DISC1: variants seen among roughly 807,000 people sequenced by gnomAD.
The protein encoded by DISC1 is disrupted in schizophrenia 1 protein.
In DISC1, 57 loss-of-function variants were observed where a neutral mutation model predicts 84.5. The observed-to-expected ratio is 0.67, with a 90% CI of 0.55 to 0.84. The LOEUF (loss-of-function observed/expected upper bound fraction) is 0.84, where lower values mean the gene tolerates loss of function less well. Ranked by LOEUF, DISC1 falls within the 40% of genes least tolerant of loss-of-function variation. The probability of loss-of-function intolerance (pLI) is 0.00; values close to 1 mark genes in which losing one functional copy is unlikely to be tolerated. For missense variants in DISC1, 1,000 were observed against 1,057.8 expected (o/e 0.95, Z 0.76); for synonymous variants, 411 against 415.2 (o/e 0.99, Z 0.12).
intron 3 of DISC1, among the ~76,000 whole-genome samples, chr1:231,730,009 G>A (rs956961140): frequency 6.6e-6 from 1 of 152,168 alleles, no homozygotes; most frequent in African/African-American, 2.4e-5. Flanking sequence ...AAACAATTAT[G>A]TCTTAAAAGA....
intron 9 of DISC1, among the ~76,000 whole-genome samples, chr1:231,917,341 A>G (rs1314968229): frequency 1.3e-5 from 2 of 152,206 alleles, no homozygotes; most frequent in Non-Finnish European, 2.9e-5. Flanking sequence ...CGCCGAATGC[A>G]TTATATCTTA....
intron 9 of DISC1, among the ~76,000 whole-genome samples, chr1:231,916,177 CT>C (rs2089606604): frequency 6.6e-6 from 1 of 152,130 alleles, no homozygotes; most frequent in Non-Finnish European, 1.5e-5. Flanking sequence ...ACTTGGGGGG[CT>C]TTGTAGCATC....
At chr1:231,655,959 T>C (rs998997588) in intron 1 of DISC1, among the ~76,000 whole-genome samples, 6 of 152,152 alleles carry the variant, frequency 3.9e-5, no homozygotes, top group Non-Finnish European at 5.9e-5. Context: ...TTCCCCTTGC[T>C]GATTTGTTTG....
intron 3 of DISC1, chr1:231,724,007 C>A (rs1171982214): frequency 1.0e-6 from 1 of 985,334 alleles, no homozygotes; most frequent in Non-Finnish European, 1.2e-6. Context: ...AACAAAAATG[C>A]AGCCCACTCT....
intron 1 of DISC1, among the ~76,000 whole-genome samples, chr1:231,649,383 A>C (rs1242862523): frequency 2.0e-5 from 3 of 152,166 alleles, no homozygotes; most frequent in African/African-American, 7.2e-5. Context: ...GAGTTTCTTA[A>C]TCCTGAGTTC....
intron 10 of DISC1, among the ~76,000 whole-genome samples, chr1:231,975,476 C>T (rs1246590832): frequency 6.6e-6 from 1 of 152,202 alleles, no homozygotes; most frequent in Non-Finnish European, 1.5e-5. Context: ...TACTGGAAAT[C>T]TACCCAAAGG....
intron 3 of DISC1, among the ~76,000 whole-genome samples, chr1:231,744,295 A>G (rs969278544): frequency 6.6e-6 from 1 of 152,174 alleles, no homozygotes; most frequent in Non-Finnish European, 1.5e-5. Context: ...CCCAGGGTGA[A>G]GAGGATCAAG....
In DISC1 at chr1:231,866,668, T is replaced by TTCA. The variant is rs1221340712; in HGVS notation, c.1981+48152_1981+48153insCAT. 26 of 1,500,930 alleles carry TTCA rather than the reference T, an allele frequency of 1.7e-5. No individual in the cohort carries two copies. In the African/African-American group the frequency reaches 3.3e-4, roughly 19 times the overall value. 93.0% of individuals were successfully genotyped at this position (1,500,930 alleles called of 1,614,324 possible). A position where few individuals can be genotyped will look rare whatever the true frequency, so the allele number is the denominator to read the frequency against. On this transcript the variant is annotated intron_variant, in intron 9 of 12. Transcript: ENST00000439617. ...TCAACTACTATTAATTGAAAGGGCA[T>TTCA]TGAAGAGACATGATGTCACAATAAA... is the stretch of plus-strand genomic sequence containing the variant.
chr1:231,894,291 C>T (rs187800231), intron 9 of DISC1, among the ~76,000 whole-genome samples: 1 of 152,186 alleles, frequency 6.6e-6, no homozygotes, highest in East Asian at 1.9e-4. Flanking sequence ...ATAGTGGACA[C>T]CCATGTATAG....
chr1:232,007,036 G>A (rs898690723), intron 10 of DISC1, among the ~76,000 whole-genome samples: 7 of 152,188 alleles, frequency 4.6e-5, no homozygotes, highest in Admixed American at 2.6e-4. Flanking sequence ...ACCTGTGAGT[G>A]CACAGAAGTC....
intron 9 of DISC1, among the ~76,000 whole-genome samples, chr1:231,820,423 A>T (rs1276781423): frequency 1.3e-5 from 2 of 152,232 alleles, no homozygotes; most frequent in African/African-American, 4.8e-5. Flanking sequence ...GCACATACAC[A>T]TATGCATGCA....
intron 9 of DISC1, among the ~76,000 whole-genome samples, chr1:231,948,014 T>A (rs1453956902): frequency 6.6e-6 from 1 of 151,902 alleles, no homozygotes; most frequent in African/African-American, 2.4e-5. Flanking sequence ...TTGGTGGGAG[T>A]GTAAATTAAT....
intron 1 of DISC1, among the ~76,000 whole-genome samples, chr1:231,672,375 G>T (rs1171260328): frequency 6.6e-6 from 1 of 152,044 alleles, no homozygotes; most frequent in East Asian, 1.9e-4. Context: ...CCTAAATTAT[G>T]CTACCACTAT....
At chr1:231,952,090 C>CAAAAAAAAAA (rs11392611) in intron 9 of DISC1, among the ~76,000 whole-genome samples, 137 of 53,626 alleles carry the variant, frequency 2.6e-3, no homozygotes, top group Middle Eastern at 0.015. Flanking sequence ...CTCAATGTCT[C>CAAAAAAAAAA]AAAAAAAAAA....
chr1:231,911,243 G>A (rs1299184713), intron 9 of DISC1, among the ~76,000 whole-genome samples: 4 of 152,080 alleles, frequency 2.6e-5, no homozygotes, highest in Admixed American at 2.0e-4. Context: ...TATTTTGCTC[G>A]TTGGTTGATG....
chr1:232,035,334 A>G (rs1270674926), intron 12 of DISC1, among the ~76,000 whole-genome samples: 2 of 152,148 alleles, frequency 1.3e-5, no homozygotes, highest in African/African-American at 4.8e-5. Flanking sequence ...AATCCCAGCT[A>G]TTTGGGAGGC....
At chr1:231,704,906 A>G (rs112221537) in intron 3 of DISC1, among the ~76,000 whole-genome samples, 28 of 152,292 alleles carry the variant, frequency 1.8e-4, no homozygotes, top group African/African-American at 6.5e-4. Flanking sequence ...CATATAAGAA[A>G]TCACAACAAC....
rs148111679 is a variant in DISC1, at chr1:231,818,344, C to T, written c.1808C>T (p.Thr603Met). 2.0e-4 allele frequency: 324 copies of T among 1,613,830 alleles called. No homozygotes were observed. The highest frequency in any genetic ancestry group is 2.5e-4 in the Non-Finnish European group (298 of 1,179,846). The change falls in exon 9 of 13, where the codon ACG (threonine) becomes ATG (methionine). Residue 603 changes from threonine to methionine, a missense_variant. By Grantham distance (81) the Thr-to-Met change is moderately conservative. Transcript: ENST00000439617. ...MHAISGNHFW[T>M]AKDLTEEIRS... ...CGTGCTGTAGGAAACCATTTCTGGA[C>T]GGCTAAAGACCTCACCGAGGAGATT...
intron 9 of DISC1, among the ~76,000 whole-genome samples, chr1:231,925,256 C>T (rs140997828): frequency 0.015 from 2,273 of 152,320 alleles, 31 homozygotes; most frequent in Non-Finnish European, 0.017. Context: ...TCACATCTGA[C>T]TCCAAACCTT....
Sources: allele counts gnomAD v4.1 joint callset (sites outside exome capture counted in the v4.1 genomes callset), GRCh38; gene constraint gnomAD v4.1.1; transcripts MANE v1.5; gene names NCBI Gene and HGNC (gene_info 2026-07-23, HGNC 2026-07-21).